Variants in THSD7B observed in about 807,000 individuals in gnomAD.
THSD7B encodes thrombospondin type 1 domain containing 7B.
THSD7B carries 138 observed loss-of-function variants against 213.6 expected under a neutral mutation model. That is an observed-to-expected ratio of 0.65 (90% confidence interval 0.56 to 0.74). THSD7B has a LOEUF of 0.74. Among genes scored for constraint, THSD7B ranks in the 30% least tolerant of loss-of-function variants. THSD7B has a pLI of 0.00. For missense variants in THSD7B, 1,931 were observed against 1,991.5 expected (o/e 0.97, Z 0.58); for synonymous variants, 742 against 687.0 (o/e 1.08, Z -1.25).
intron 17 of THSD7B, among the ~76,000 whole-genome samples, chr2:137,592,793 C>A (rs1300410311): frequency 6.6e-6 from 1 of 151,856 alleles, no homozygotes; most frequent in Non-Finnish European, 1.5e-5. Context: ...TTCTGAATAA[C>A]CACTAAACAC....
chr2:136,843,017 A>G (rs1461265195), intron 1 of THSD7B, among the ~76,000 whole-genome samples: 1 of 152,134 alleles, frequency 6.6e-6, no homozygotes, highest in Non-Finnish European at 1.5e-5. Flanking sequence ...CCCTTTCCAG[A>G]AGAATGTTAT....
intron 2 of THSD7B, among the ~76,000 whole-genome samples, chr2:137,006,500 T>C (rs1686115752): frequency 6.6e-6 from 1 of 152,202 alleles, no homozygotes; most frequent in Admixed American, 6.5e-5. Flanking sequence ...CTGGAATTTA[T>C]GTACAGGAGG....
intron 17 of THSD7B, among the ~76,000 whole-genome samples, chr2:137,572,893 G>T (rs193081040): frequency 6.6e-6 from 1 of 151,804 alleles, no homozygotes; most frequent in East Asian, 1.9e-4. Context: ...ATATATCTTG[G>T]TCCTGTTCCA....
In THSD7B at chr2:137,095,082, C is replaced by A. The variant is rs140063610; in HGVS notation, c.1160C>A (p.Ala387Asp). ...TGTCCTGAACTTCTTGAGAAAGAGG[C>A]CTGCATTGTTGAAGGAGAACTTCTG... ...KECPELLEKE[A>D]CIVEGELLQQ... The change falls in exon 4 of 28, where the codon GCC becomes GAC. Residue 387 changes from alanine to aspartate, a missense_variant. Ala to Asp is a moderately radical substitution (Grantham distance 126). Coordinates refer to ENST00000409968, the MANE Select transcript of THSD7B (RefSeq NM_001316349.2). 488 of 1,613,828 alleles carry A rather than the reference C, an allele frequency of 3.0e-4. 1 individual carries two copies. In the Middle Eastern group the frequency reaches 5.4e-3, roughly 18 times the overall value.
At chr2:137,238,413 T>C (rs183025063) in intron 9 of THSD7B, among the ~76,000 whole-genome samples, 23 of 152,240 alleles carry the variant, frequency 1.5e-4, no homozygotes, top group Non-Finnish European at 3.2e-4. Context: ...CCTTAAAAAT[T>C]AATAAGGGAC....
chr2:136,890,790 C>T (rs1377973977), intron 2 of THSD7B, among the ~76,000 whole-genome samples: 1 of 151,480 alleles, frequency 6.6e-6, no homozygotes, highest in Non-Finnish European at 1.5e-5. Flanking sequence ...ATCCACCTGC[C>T]TCAGCCTCCC....
intron 25 of THSD7B, among the ~76,000 whole-genome samples, chr2:137,661,863 C>T (rs113247193): frequency 6.6e-5 from 10 of 152,214 alleles, no homozygotes; most frequent in African/African-American, 2.4e-4. Flanking sequence ...GGGCCGCATG[C>T]ACAGCGTGTT....
At chr2:137,133,221 T>C (rs1688773937) in intron 5 of THSD7B, among the ~76,000 whole-genome samples, 2 of 152,180 alleles carry the variant, frequency 1.3e-5, no homozygotes, top group Non-Finnish European at 2.9e-5. Context: ...CTGTCTCACC[T>C]AAAATTCCTC....
intron 15 of THSD7B, among the ~76,000 whole-genome samples, chr2:137,456,291 T>A (rs1459233357): frequency 2.0e-5 from 3 of 152,198 alleles, no homozygotes; most frequent in African/African-American, 7.2e-5. Flanking sequence ...TATTTTAGGA[T>A]GAAGATGACT....
chr2:137,335,475 A>T (rs1242606302), intron 12 of THSD7B, among the ~76,000 whole-genome samples: 1 of 151,982 alleles, frequency 6.6e-6, no homozygotes. Context: ...CCTTTCTTTT[A>T]TTTTCCCCTC....
In THSD7B at chr2:137,170,747, G is replaced by C; in HGVS notation, c.1532G>C (p.Arg511Thr). Residue 511 changes from arginine (R) to threonine (T), a missense_variant, in exon 7 of 28, where the codon AGA becomes ACA. Transcript: ENST00000409968. ...CTTTTCTCTCTCTTTTTAGGATTTA[G>C]AACGAGGCAGCGCCATGTCCTCATG... Reference protein sequence around the residue: ...CHDPQGKKGFRTRQRHVLMES... With the variant: ...CHDPQGKKGFTTRQRHVLMES... The C allele has an allele frequency of 6.2e-7, 1 of 1,611,288 alleles. No homozygotes were observed. The highest frequency in any genetic ancestry group is 8.5e-7 in the Non-Finnish European group (1 of 1,178,288).
chr2:136,962,172 G>T (rs1685230416), intron 2 of THSD7B, among the ~76,000 whole-genome samples: 1 of 152,162 alleles, frequency 6.6e-6, no homozygotes, highest in African/African-American at 2.4e-5. Flanking sequence ...CCTAAGCCAA[G>T]GAAGGCAAGA....
intron 20 of THSD7B, among the ~76,000 whole-genome samples, chr2:137,636,075 A>T (rs756887625): frequency 3.3e-5 from 5 of 152,158 alleles, no homozygotes; most frequent in Non-Finnish European, 7.4e-5. Flanking sequence ...AGTCCTCATC[A>T]TCTGATATTC....
intron 2 of THSD7B, among the ~76,000 whole-genome samples, chr2:137,048,639 T>C (rs1687010682): frequency 6.6e-6 from 1 of 152,232 alleles, no homozygotes; most frequent in African/African-American, 2.4e-5. Context: ...GTTTTACGTA[T>C]TTTTAAAGCT....
At chr2:137,433,188 A>G (rs1274689997) in intron 14 of THSD7B, among the ~76,000 whole-genome samples, 1 of 152,138 alleles carries the variant, frequency 6.6e-6, no homozygotes, top group Non-Finnish European at 1.5e-5. Flanking sequence ...GATGGGGGAC[A>G]TTATTTAAGT....
chr2:137,449,798 AG>A (rs1687612089), intron 14 of THSD7B, among the ~76,000 whole-genome samples: 1 of 152,178 alleles, frequency 6.6e-6, no homozygotes, highest in African/African-American at 2.4e-5. Context: ...CAATTAAGCC[AG>A]GCCCACCCAG....
At chr2:137,189,568 C>T (rs79789126) in intron 7 of THSD7B, among the ~76,000 whole-genome samples, 1 of 138,530 alleles carries the variant, frequency 7.2e-6, no homozygotes, top group East Asian at 2.0e-4. Flanking sequence ...CTATGCCCTC[C>T]AGAGCTTGGT....
rs570928570 is a variant in THSD7B at position 137,466,263 on chromosome 2, C to T, written c.3138+15240C>T. 7.2e-5 allele frequency among the ~76,000 whole-genome samples: 11 copies of T among 152,164 alleles called. No individual in the cohort carries two copies. In the South Asian group the frequency reaches 8.3e-4, roughly 11 times the overall value. On this transcript the variant is annotated intron_variant, in intron 15 of 27. Coordinates refer to ENST00000409968, the MANE Select transcript of THSD7B (RefSeq NM_001316349.2). ...CAGTGTACTTGTGCTATTATTCATT[C>T]GTTCTTTCATTTATTCATCACACAC...
intron 1 of THSD7B, among the ~76,000 whole-genome samples, chr2:136,802,158 A>G (rs989401111): frequency 3.9e-5 from 6 of 152,080 alleles, no homozygotes; most frequent in East Asian, 1.9e-4. Flanking sequence ...TGAGGAAAAC[A>G]CTTTAAATAT....
Sources: allele counts gnomAD v4.1 joint callset (sites outside exome capture counted in the v4.1 genomes callset), GRCh38; gene constraint gnomAD v4.1.1; transcripts MANE v1.5; gene names NCBI Gene and HGNC (gene_info 2026-07-23, HGNC 2026-07-21).